VPS41: variants seen among roughly 807,000 people sequenced by gnomAD.
The protein encoded by VPS41 is vacuolar protein sorting-associated protein 41 homolog.
VPS41 carries 85 observed loss-of-function variants against 130.9 expected under a neutral mutation model. That is an observed-to-expected ratio of 0.65 (90% CI 0.55 to 0.78). VPS41 has a LOEUF of 0.78. VPS41 is among the 30% of genes least tolerant of loss of function. VPS41 has a pLI of 0.00. For missense variants in VPS41, 874 were observed against 1,018.7 expected (o/e 0.86, Z 1.93); for synonymous variants, 335 against 332.9 (o/e 1.01, Z -0.07).
At chr7:38,881,472 A>C (rs1377402594) in intron 2 of VPS41, among the ~76,000 whole-genome samples, 1 of 152,210 alleles carries the variant, frequency 6.6e-6, no homozygotes, top group Non-Finnish European at 1.5e-5. Context: ...CACAGGTTCC[A>C]GGGATTAGGA....
At chr7:38,760,479 T>C (rs1783887470) in intron 17 of VPS41, among the ~76,000 whole-genome samples, 1 of 152,196 alleles carries the variant, frequency 6.6e-6, no homozygotes, top group South Asian at 2.1e-4. Flanking sequence ...TCTCTCTTTT[T>C]ACATGTAAAA....
chr7:38,847,509 G>T (rs1335010982), intron 4 of VPS41, among the ~76,000 whole-genome samples: 1 of 152,134 alleles, frequency 6.6e-6, no homozygotes, highest in East Asian at 1.9e-4. Flanking sequence ...GAAATTATAA[G>T]TATGTTAATA....
chr7:38,819,554 A>G (rs891622610), intron 6 of VPS41, among the ~76,000 whole-genome samples: 1 of 152,152 alleles, frequency 6.6e-6, no homozygotes, highest in African/African-American at 2.4e-5. Context: ...CTGCTCTGAA[A>G]AGAGTCCTCA....
intron 10 of VPS41, among the ~76,000 whole-genome samples, chr7:38,783,414 A>G (rs1302915774): frequency 6.6e-6 from 1 of 152,132 alleles, no homozygotes; most frequent in Non-Finnish European, 1.5e-5. Flanking sequence ...AGGCGCCTGT[A>G]ATCCCAGCTA....
intron 7 of VPS41, among the ~76,000 whole-genome samples, chr7:38,804,080 G>A (rs948396881): frequency 2.6e-5 from 4 of 152,102 alleles, no homozygotes; most frequent in Admixed American, 6.5e-5. Context: ...TTGGTACGAC[G>A]GAAAACCTCT....
intron 27 of VPS41, among the ~76,000 whole-genome samples, chr7:38,727,780 C>T (rs530908779): frequency 6.6e-6 from 1 of 152,244 alleles, no homozygotes; most frequent in East Asian, 1.9e-4. Flanking sequence ...CTTTGTTATG[C>T]TGAACTTATA....
At chr7:38,821,173 T>C in intron 6 of VPS41, 30 bp downstream of exon 6, 1 of 1,584,596 alleles carries the variant, frequency 6.3e-7, no homozygotes, top group Non-Finnish European at 8.7e-7. Flanking sequence ...AGAAAACCCT[T>C]AGAAAAAGTA....
intron 21 of VPS41, among the ~76,000 whole-genome samples, chr7:38,754,157 T>G (rs1037952943): frequency 1.3e-5 from 2 of 152,106 alleles, no homozygotes; most frequent in Non-Finnish European, 2.9e-5. Flanking sequence ...ACAAGAAATA[T>G]GGAATTAGCT....
At chr7:38,798,048 T>C (rs1326765779) in intron 7 of VPS41, among the ~76,000 whole-genome samples, 1 of 152,124 alleles carries the variant, frequency 6.6e-6, no homozygotes, top group Admixed American at 6.5e-5. Flanking sequence ...AGAGACCTTC[T>C]AACCCACCCT....
At chr7:38,872,988 A>C (rs531633289) in intron 2 of VPS41, among the ~76,000 whole-genome samples, 1 of 152,318 alleles carries the variant, frequency 6.6e-6, no homozygotes, top group African/African-American at 2.4e-5. Flanking sequence ...TGAAAAGTTA[A>C]TTCTAGCCTC....
chr7:38,895,575 G>C (rs1010358615), intron 2 of VPS41, among the ~76,000 whole-genome samples: 2 of 152,134 alleles, frequency 1.3e-5, no homozygotes, highest in African/African-American at 2.4e-5. Context: ...GGGAAGAAGG[G>C]GTGAAGCATC....
chr7:38,815,210 A>G lies in VPS41; in HGVS notation c.450+2607T>C, dbSNP rs138908488. Among the ~76,000 whole-genome samples, 1,235 of 152,226 alleles carry G rather than the reference A, an allele frequency of 8.1e-3. 18 individuals carry two copies. Among genetic ancestry groups the G allele is most frequent in the African/African-American group, 0.028 (1,182 of 41,550 alleles). On this transcript the variant is annotated intron_variant, in intron 7 of 28. Coordinates refer to ENST00000310301, the MANE Select transcript of VPS41 (RefSeq NM_014396.4). ...AGGCCGAGGTGGGCTGATCACCTGA[A>G]GTCAGGAGTTTGAGACCAGCCTGGC...
intron 25 of VPS41, among the ~76,000 whole-genome samples, chr7:38,738,798 T>C (rs1795824169): frequency 6.6e-6 from 1 of 152,184 alleles, no homozygotes. Flanking sequence ...GTGCAGTGAT[T>C]ACACTAACAA....
rs527898861 is a variant in VPS41 at position 38,827,608 on chromosome 7, A to G, written c.321+2646T>C. On this transcript the variant is annotated intron_variant, in intron 5 of 28. Transcript: ENST00000310301. ...CACTCCTCAGGGGCCTCCCACTGCC[A>G]AGATGGGGAGAGGGAGGCACTGCCA... 1.7e-4 allele frequency among the ~76,000 whole-genome samples: 26 copies of G among 152,308 alleles called. No homozygotes were observed. The East Asian group carries it at 5.0e-3, about 29-fold the overall frequency.
At chr7:38,837,019 T>C (rs1304024830) in intron 4 of VPS41, among the ~76,000 whole-genome samples, 1 of 152,202 alleles carries the variant, frequency 6.6e-6, no homozygotes, top group Non-Finnish European at 1.5e-5. Context: ...ATAGAAATTA[T>C]CTAAATTTCT....
intron 4 of VPS41, among the ~76,000 whole-genome samples, chr7:38,845,451 C>T (rs150895449): frequency 1.3e-5 from 2 of 152,236 alleles, no homozygotes; most frequent in East Asian, 1.9e-4. Context: ...GCAGTTGTCC[C>T]GTAGGGTGAG....
intron 4 of VPS41, among the ~76,000 whole-genome samples, chr7:38,844,270 C>G (rs1785676340): frequency 6.6e-6 from 1 of 152,224 alleles, no homozygotes; most frequent in African/African-American, 2.4e-5. Flanking sequence ...TTCATCAGGG[C>G]TGTGCCCTGA....
At chr7:38,805,031 C>T (rs904329817) in intron 7 of VPS41, among the ~76,000 whole-genome samples, 1 of 152,186 alleles carries the variant, frequency 6.6e-6, no homozygotes, top group African/African-American at 2.4e-5. Context: ...GAAAAGTCAT[C>T]CACTGGGTGA....
intron 10 of VPS41, among the ~76,000 whole-genome samples, chr7:38,783,926 T>A (rs958103929): frequency 3.3e-5 from 5 of 152,264 alleles, no homozygotes; most frequent in African/African-American, 1.2e-4. Flanking sequence ...CTGTCATATA[T>A]GTTTATAGAT....
Sources: allele counts gnomAD v4.1 joint callset (sites outside exome capture counted in the v4.1 genomes callset), GRCh38; gene constraint gnomAD v4.1.1; transcripts MANE v1.5; gene names NCBI Gene and HGNC (gene_info 2026-07-23, HGNC 2026-07-21).